The following KCNIP4 variants were observed in gnomAD, a reference collection of about 807,000 sequenced individuals.
KCNIP4 encodes Kv channel-interacting protein 4.
Under a neutral mutation model 34.0 loss-of-function variants are expected in KCNIP4, and 12 were observed. That is an observed-to-expected ratio of 0.35 (90% CI 0.23 to 0.57). The LOEUF is 0.57. KCNIP4 is among the 20% of genes least tolerant of loss of function. KCNIP4 has a pLI of 0.83. For synonymous variants in KCNIP4, 124 were observed against 102.2 expected, an observed-to-expected ratio of 1.21 and a Z score of -1.29; for missense variants, 238 against 311.7, an observed-to-expected ratio of 0.76 and a Z score of 1.78.
At chr4:21,370,885 G>T (rs1720370415) in intron 1 of KCNIP4, among the ~76,000 whole-genome samples, 1 of 92,280 alleles carries the variant, frequency 1.1e-5, no homozygotes, top group African/African-American at 5.8e-5. Flanking sequence ...ACACACACGT[G>T]TGTGTGTGTG....
At chr4:21,152,307 AACTT>A (rs1752814779) in intron 1 of KCNIP4, among the ~76,000 whole-genome samples, 1 of 152,082 alleles carries the variant, frequency 6.6e-6, no homozygotes, top group Non-Finnish European at 1.5e-5. Context: ...ATCCCCTTCT[AACTT>A]ACTGTCTAAT....
chr4:21,474,188 C>A (rs1171697268), intron 1 of KCNIP4, among the ~76,000 whole-genome samples: 1 of 152,054 alleles, frequency 6.6e-6, no homozygotes, highest in Non-Finnish European at 1.5e-5. Flanking sequence ...TGAACTCTAT[C>A]AGTGGAATAT....
chr4:21,862,786 C>T (rs1187359146), intron 1 of KCNIP4, among the ~76,000 whole-genome samples: 1 of 152,018 alleles, frequency 6.6e-6, no homozygotes, highest in Non-Finnish European at 1.5e-5. Context: ...ACGGTGAAAC[C>T]CTGTCTCTAC....
At chr4:21,070,343 T>C (rs1744778543) in intron 1 of KCNIP4, among the ~76,000 whole-genome samples, 1 of 152,176 alleles carries the variant, frequency 6.6e-6, no homozygotes, top group Non-Finnish European at 1.5e-5. Context: ...CTGGGATAAA[T>C]GCACAGAGTA....
At chr4:20,730,572 C>T (rs769823751) in intron 8 of KCNIP4, among the ~76,000 whole-genome samples, 25 of 151,452 alleles carry the variant, frequency 1.7e-4, no homozygotes, top group African/African-American at 2.0e-4. Flanking sequence ...TGGAGGCTGG[C>T]GCATAGGAGG....
chr4:21,875,096 T>A (rs919449810), intron 1 of KCNIP4, among the ~76,000 whole-genome samples: 1 of 152,244 alleles, frequency 6.6e-6, no homozygotes, highest in African/African-American at 2.4e-5. Context: ...TTGTAAGTTA[T>A]ATCTTATTAT....
At chr4:21,327,597 G>A (rs1715215600) in intron 1 of KCNIP4, among the ~76,000 whole-genome samples, 1 of 151,930 alleles carries the variant, frequency 6.6e-6, no homozygotes, top group Non-Finnish European at 1.5e-5. Context: ...TCTAGTTTGG[G>A]AAGTTCTCTG....
intron 1 of KCNIP4, among the ~76,000 whole-genome samples, chr4:20,986,041 G>T (rs559369944): frequency 1.6e-3 from 240 of 152,262 alleles, no homozygotes; most frequent in African/African-American, 5.5e-3. Flanking sequence ...GCGGGGAGCT[G>T]AGCCCAGTCC....
chr4:21,056,868 A>T lies in KCNIP4; in HGVS notation c.62-174159T>A, dbSNP rs113675880. ...AATTAGATTTCGAGGAAGTCATGAA[A>T]GTGGGTTCCTCATGATGGGATTAGC... is the stretch of plus-strand genomic sequence containing the variant. On this transcript the variant is annotated intron_variant, in intron 1 of 8. Coordinates refer to ENST00000382152, the MANE Select transcript of KCNIP4 (RefSeq NM_025221.6). Among the ~76,000 whole-genome samples, 3 of 152,272 alleles carry T rather than the reference A, an allele frequency of 2.0e-5. 1 individual carries two copies. Among genetic ancestry groups the T allele is most frequent in the African/African-American group, 7.2e-5 (3 of 41,574 alleles).
intron 1 of KCNIP4, among the ~76,000 whole-genome samples, chr4:21,406,122 A>C (rs1723968531): frequency 6.6e-6 from 1 of 152,176 alleles, no homozygotes; most frequent in South Asian, 2.1e-4. Flanking sequence ...GGCATGAGCC[A>C]CTGTACCTGG....
intron 8 of KCNIP4, chr4:20,731,301 T>C (rs1229753530): frequency 2.7e-6 from 2 of 737,278 alleles, no homozygotes; most frequent in Non-Finnish European, 3.3e-6. Flanking sequence ...CTCAAAATCC[T>C]GGCCTTAAGT....
At chr4:20,962,263 C>T (rs887561993) in intron 1 of KCNIP4, among the ~76,000 whole-genome samples, 1 of 152,228 alleles carries the variant, frequency 6.6e-6, no homozygotes, top group African/African-American at 2.4e-5. Flanking sequence ...ATCAGCATCA[C>T]TCCTGACACC....
chr4:21,724,537 C>G (rs1715054113), intron 1 of KCNIP4, among the ~76,000 whole-genome samples: 1 of 150,144 alleles, frequency 6.7e-6, no homozygotes, highest in Non-Finnish European at 1.5e-5. Flanking sequence ...CTTTGTGGAG[C>G]AATTCATCAC....
At chr4:21,137,891 T>TTTTTTTG (rs397992493) in intron 1 of KCNIP4, among the ~76,000 whole-genome samples, 1 of 147,410 alleles carries the variant, frequency 6.8e-6, no homozygotes. Flanking sequence ...TTTTTTTTTT[T>TTTTTTTG]GATGGAGTCT....
chr4:21,697,312 C>T (rs2938383), intron 1 of KCNIP4: 18 of 1,305,358 alleles, frequency 1.4e-5, no homozygotes, highest in African/African-American at 2.4e-5. Flanking sequence ...CTACTAGCCT[C>T]TACTAAAAAA....
intron 1 of KCNIP4, among the ~76,000 whole-genome samples, chr4:21,302,263 A>G (rs937682610): frequency 1.3e-5 from 2 of 152,194 alleles, no homozygotes; most frequent in African/African-American, 4.8e-5. Flanking sequence ...TCCTGAAACA[A>G]GCAGAACCAA....
At chr4:21,291,673 C>A (rs1205581752) in intron 1 of KCNIP4, among the ~76,000 whole-genome samples, 2 of 151,376 alleles carry the variant, frequency 1.3e-5, no homozygotes, top group East Asian at 2.0e-4. Flanking sequence ...CATGGTGAAA[C>A]CCTGTCTCTA....
intron 1 of KCNIP4, among the ~76,000 whole-genome samples, chr4:21,533,987 A>G (rs2108983842): frequency 6.6e-6 from 1 of 152,306 alleles, no homozygotes; most frequent in Admixed American, 6.5e-5. Context: ...AGGGTAGAGT[A>G]GTACTTAACC....
intron 3 of KCNIP4, among the ~76,000 whole-genome samples, chr4:20,814,201 C>A (rs1716108038): frequency 6.6e-6 from 1 of 152,094 alleles, no homozygotes; most frequent in Non-Finnish European, 1.5e-5. Context: ...ACAGAATTTG[C>A]CTTTTGATAA....
Sources: allele counts gnomAD v4.1 joint callset (sites outside exome capture counted in the v4.1 genomes callset), GRCh38; gene constraint gnomAD v4.1.1; transcripts MANE v1.5; gene names NCBI Gene and HGNC (gene_info 2026-07-23, HGNC 2026-07-21).